The following RAD51B variants were observed in gnomAD, a reference collection of about 807,000 sequenced individuals.
RAD51B encodes the protein DNA repair protein RAD51 homolog 2.
Under a neutral mutation model 42.2 loss-of-function variants are expected in RAD51B, and 38 were observed. That is an observed-to-expected ratio of 0.90 (90% CI 0.70 to 1.18). The LOEUF is 1.18. Among genes scored for constraint, RAD51B ranks in the 50% most tolerant of loss-of-function variants. RAD51B has a pLI of 0.00. For missense variants in RAD51B, 373 were observed against 400.7 expected (o/e 0.93, Z 0.59); for synonymous variants, 154 against 145.2 (o/e 1.06, Z -0.43).
intron 9 of RAD51B, among the ~76,000 whole-genome samples, chr14:68,449,457 C>A (rs571614345): frequency 6.6e-6 from 1 of 152,186 alleles, no homozygotes; most frequent in Admixed American, 6.5e-5. Context: ...TTAGTAAGGC[C>A]CACCTTAATT....
intron 7 of RAD51B, among the ~76,000 whole-genome samples, chr14:67,989,586 G>C (rs1057384096): frequency 7.9e-6 from 1 of 127,058 alleles, no homozygotes; most frequent in South Asian, 2.5e-4. Flanking sequence ...GGTGACCCAA[G>C]ATCATGCCAT....
At chr14:68,561,073 G>A (rs1345216811) in intron 10 of RAD51B, among the ~76,000 whole-genome samples, 1 of 152,148 alleles carries the variant, frequency 6.6e-6, no homozygotes, top group East Asian at 1.9e-4. Context: ...AAATGGTTTG[G>A]CAGAAATATT....
intron 8 of RAD51B, among the ~76,000 whole-genome samples, chr14:68,304,937 G>T (rs1444846621): frequency 6.6e-6 from 1 of 152,066 alleles, no homozygotes; most frequent in Non-Finnish European, 1.5e-5. Flanking sequence ...TTATTATATT[G>T]GATATCTAGA....
chr14:67,928,906 A>G (rs549608982), intron 7 of RAD51B, among the ~76,000 whole-genome samples: 1 of 152,100 alleles, frequency 6.6e-6, no homozygotes, highest in East Asian at 1.9e-4. Flanking sequence ...CATATAATTC[A>G]TAATAGTCTC....
In RAD51B at chr14:68,620,210, G is replaced by A. The variant is rs545195050; in HGVS notation, c.1037-30571G>A. 5.9e-5 allele frequency among the ~76,000 whole-genome samples: 9 copies of A among 152,276 alleles called. No individual in the cohort carries two copies. The South Asian group carries it at 1.7e-3, about 28-fold the overall frequency. On this transcript the variant is annotated intron_variant, in intron 10 of 11. Transcript: ENST00000488612. Reference sequence around the variant, plus strand: ...TTCTTGTTATTTATTATCATTAAAGGCAATACAGGCTTACCCAAGAACTAG... The same window carrying A: ...TTCTTGTTATTTATTATCATTAAAGACAATACAGGCTTACCCAAGAACTAG...
chr14:68,174,272 G>A (rs534859780), intron 7 of RAD51B, among the ~76,000 whole-genome samples: 2 of 152,088 alleles, frequency 1.3e-5, no homozygotes, highest in African/African-American at 2.4e-5. Context: ...TATAGTGCCA[G>A]CTACTCAGGT....
chr14:68,436,893 T>C (rs1444967708), intron 9 of RAD51B, among the ~76,000 whole-genome samples: 8 of 152,174 alleles, frequency 5.3e-5, no homozygotes, highest in Non-Finnish European at 1.0e-4. Flanking sequence ...ACTGAAGTCA[T>C]TTATCAGCTG....
Position 68,102,428 on chromosome 14 carries a change from G to C in RAD51B, c.757-189456G>C, listed in dbSNP as rs1305731388. Among the ~76,000 whole-genome samples the C allele has an allele frequency of 2.0e-5, 3 of 152,068 alleles. No individual in the cohort carries two copies. In the East Asian group the frequency reaches 5.8e-4, roughly 29 times the overall value. On this transcript the variant is annotated intron_variant, in intron 7 of 10. Transcript: ENST00000471583. The stretch of plus-strand genomic sequence containing the variant: ...CCAAACCATCTCTCTCAAGTTCAGG[G>C]TTCCCCAGATCTCTAGGGCAGGGGC...
At chr14:68,654,012 T>G (rs1281808698) in intron 11 of RAD51B, among the ~76,000 whole-genome samples, 1 of 152,106 alleles carries the variant, frequency 6.6e-6, no homozygotes, top group Non-Finnish European at 1.5e-5. Context: ...GATCCTGAGG[T>G]TAGGGAAAGC....
chr14:68,541,804 C>G, intron 10 of RAD51B: 1 of 985,362 alleles, frequency 1.0e-6, no homozygotes, highest in Non-Finnish European at 1.2e-6. Flanking sequence ...TAAATGGCCA[C>G]TCTGCAAGAG....
At position 68,348,628 on chromosome 14, in the gene RAD51B, G is replaced by A. The variant is rs964711071; in HGVS notation, c.853+56648G>A. Among the ~76,000 whole-genome samples the A allele has an allele frequency of 8.5e-5, 13 of 152,208 alleles. No individual in the cohort carries two copies. In the East Asian group the frequency reaches 9.6e-4, roughly 11 times the overall value. On this transcript the variant is annotated intron_variant, in intron 8 of 10. Transcript: ENST00000471583. ...ACATTGACTTTGTCTCGCCTGGCGC[G>A]GTGGCTCACGCCTGTAATCCCAGCA... is the stretch of plus-strand genomic sequence containing the variant.
intron 10 of RAD51B, among the ~76,000 whole-genome samples, chr14:68,483,506 A>G (rs1017182033): frequency 6.6e-6 from 1 of 152,180 alleles, no homozygotes; most frequent in Admixed American, 6.5e-5. Context: ...CAAGGGAGCC[A>G]TGGCCTGATT....
At chr14:68,254,954 C>A (rs1186935761) in intron 7 of RAD51B, among the ~76,000 whole-genome samples, 1 of 152,142 alleles carries the variant, frequency 6.6e-6, no homozygotes, top group Non-Finnish European at 1.5e-5. Context: ...GATTCTTTCA[C>A]TTCTGGAATA....
At chr14:67,927,274 C>T (rs945606643) in intron 7 of RAD51B, among the ~76,000 whole-genome samples, 5 of 152,084 alleles carry the variant, frequency 3.3e-5, no homozygotes, top group African/African-American at 1.2e-4. Flanking sequence ...GAGTTTGCTG[C>T]ATGCATAGAA....
chr14:68,534,615 G>A (rs1231407431), intron 10 of RAD51B, among the ~76,000 whole-genome samples: 1 of 152,270 alleles, frequency 6.6e-6, no homozygotes, highest in African/African-American at 2.4e-5. Context: ...GTGAAGGCGC[G>A]AAGATGAACA....
intron 5 of RAD51B, among the ~76,000 whole-genome samples, chr14:67,867,877 C>T (rs1161739940): frequency 6.6e-6 from 1 of 152,104 alleles, no homozygotes; most frequent in African/African-American, 2.4e-5. Context: ...GCCGGCTAAC[C>T]AGCACAAATG....
At chr14:68,419,067 T>C (rs1334284031) in intron 9 of RAD51B, among the ~76,000 whole-genome samples, 1 of 152,170 alleles carries the variant, frequency 6.6e-6, no homozygotes, top group Non-Finnish European at 1.5e-5. Flanking sequence ...CTGTATTCAG[T>C]GAGGGCAGTG....
At chr14:68,470,548 A>G (rs1363573072) in intron 10 of RAD51B, 1 of 499,796 alleles carries the variant, frequency 2.0e-6, no homozygotes. Context: ...ATTAACCTTG[A>G]TTCAAGACTT....
intron 10 of RAD51B, among the ~76,000 whole-genome samples, chr14:68,483,534 A>T (rs1179840391): frequency 6.6e-6 from 1 of 152,194 alleles, no homozygotes; most frequent in African/African-American, 2.4e-5. Flanking sequence ...CACATTCAAG[A>T]TAGAACAACT....
Sources: gnomAD v4.1 joint callset for allele counts (sites outside exome capture counted in the v4.1 genomes callset) on GRCh38, gnomAD v4.1.1 for gene constraint, MANE v1.5 for transcripts, NCBI Gene and HGNC (gene_info 2026-07-23, HGNC 2026-07-21) for gene names.